The following GRID1 variants were observed in gnomAD, a reference collection of about 807,000 sequenced individuals.
The protein encoded by GRID1 is glutamate ionotropic receptor delta type subunit 1.
A neutral mutation model predicts 98.0 loss-of-function variants in GRID1; 28 were observed. That is an observed-to-expected ratio of 0.29 (90% CI 0.21 to 0.39). GRID1 has a LOEUF of 0.39. GRID1 is among the 10% of genes least tolerant of loss of function. GRID1 has a pLI of 1.00. For synonymous variants in GRID1, 553 were observed against 538.5 expected (o/e 1.03, Z -0.37); for missense variants, 1,111 against 1,340.5 (o/e 0.83, Z 2.67).
chr10:85,913,662 G>A lies in GRID1; in HGVS notation c.780+2524C>T, dbSNP rs1414089719. ...AGATTAGCTGGGTGAGCTGGCACACGCCTGTAGTCCCAGCTACTCAGGAGG... is the reference window on the plus strand; with the variant it reads ...AGATTAGCTGGGTGAGCTGGCACACACCTGTAGTCCCAGCTACTCAGGAGG... On this transcript the variant is annotated intron_variant, in intron 5 of 15. Transcript: ENST00000327946. 2.7e-5 allele frequency among the ~76,000 whole-genome samples: 4 copies of A among 150,482 alleles called. 1 individual carries two copies. Among genetic ancestry groups the A allele is most frequent in the East Asian group, 2.0e-4 (1 of 4,974 alleles).
chr10:85,847,345 C>G (rs1843016084), intron 8 of GRID1, among the ~76,000 whole-genome samples: 2 of 152,182 alleles, frequency 1.3e-5, no homozygotes, highest in Non-Finnish European at 2.9e-5. Flanking sequence ...GCAGGAGTGT[C>G]TGAATTGGCC....
At chr10:85,978,341 G>A (rs547778045) in intron 4 of GRID1, among the ~76,000 whole-genome samples, 1 of 152,284 alleles carries the variant, frequency 6.6e-6, no homozygotes, top group East Asian at 1.9e-4. Context: ...CATTTACTTA[G>A]AAGCATTTTC....
chr10:86,210,440 A>T (rs1846092084), intron 2 of GRID1, among the ~76,000 whole-genome samples: 1 of 152,220 alleles, frequency 6.6e-6, no homozygotes, highest in Non-Finnish European at 1.5e-5. Context: ...CTACGAGAGC[A>T]CTGACTTAGG....
intron 4 of GRID1, among the ~76,000 whole-genome samples, chr10:85,993,816 T>C (rs868664952): frequency 3.3e-5 from 5 of 152,170 alleles, no homozygotes; most frequent in African/African-American, 9.7e-5. Context: ...GACAGGAGAA[T>C]TGTGCCTAGG....
At chr10:85,910,153 C>T (rs139568644) in intron 5 of GRID1, among the ~76,000 whole-genome samples, 8 of 152,174 alleles carry the variant, frequency 5.3e-5, no homozygotes, top group South Asian at 2.1e-4. Flanking sequence ...TAATTGTTTT[C>T]GAGTGTTACT....
chr10:85,652,122 C>A (rs560213641), intron 12 of GRID1, among the ~76,000 whole-genome samples: 3 of 152,260 alleles, frequency 2.0e-5, no homozygotes, highest in South Asian at 4.1e-4. Context: ...ATTAAACATG[C>A]ACCTCTAGGG....
intron 12 of GRID1, among the ~76,000 whole-genome samples, chr10:85,660,784 GC>G (rs1476901005): frequency 1.3e-5 from 2 of 152,058 alleles, no homozygotes; most frequent in Non-Finnish European, 2.9e-5. Flanking sequence ...GCACTTCCTT[GC>G]TTTTAGGAGA....
At chr10:85,989,310 C>G (rs1474613852) in intron 4 of GRID1, among the ~76,000 whole-genome samples, 1 of 152,158 alleles carries the variant, frequency 6.6e-6, no homozygotes, top group East Asian at 1.9e-4. Flanking sequence ...CAGTAAAGCT[C>G]CAAAATGTCA....
intron 8 of GRID1, among the ~76,000 whole-genome samples, chr10:85,791,336 G>A (rs1372546619): frequency 1.3e-5 from 2 of 152,234 alleles, no homozygotes; most frequent in African/African-American, 2.4e-5. Context: ...CCTGACTGGC[G>A]CAATGCAGAT....
intron 5 of GRID1, among the ~76,000 whole-genome samples, chr10:85,882,519 A>C (rs1841047392): frequency 6.6e-6 from 1 of 152,150 alleles, no homozygotes; most frequent in Non-Finnish European, 1.5e-5. Context: ...AACTATCGCA[A>C]GGACAAAAAA....
At chr10:85,828,629 A>G (rs759447867) in intron 8 of GRID1, among the ~76,000 whole-genome samples, 2 of 152,016 alleles carry the variant, frequency 1.3e-5, no homozygotes, top group Non-Finnish European at 2.9e-5. Context: ...CTGAACTGAA[A>G]TGCAAAAAAA....
intron 8 of GRID1, among the ~76,000 whole-genome samples, chr10:85,826,131 A>G (rs1014221300): frequency 6.6e-6 from 1 of 152,066 alleles, no homozygotes; most frequent in African/African-American, 2.4e-5. Flanking sequence ...GTTCCAGACC[A>G]GCCTGACCAA....
intron 4 of GRID1, among the ~76,000 whole-genome samples, chr10:86,021,942 G>A (rs1157678971): frequency 3.3e-5 from 5 of 152,112 alleles, no homozygotes; most frequent in South Asian, 2.1e-4. Context: ...TAGAGCAGCC[G>A]CATCTAAAAG....
At chr10:86,250,099 G>A (rs1589426230) in intron 2 of GRID1, among the ~76,000 whole-genome samples, 1 of 152,140 alleles carries the variant, frequency 6.6e-6, no homozygotes, top group Non-Finnish European at 1.5e-5. Flanking sequence ...GTGAGTAGGT[G>A]GATGGATGCA....
intron 4 of GRID1, among the ~76,000 whole-genome samples, chr10:86,052,992 C>T (rs919084910): frequency 1.3e-5 from 2 of 152,144 alleles, no homozygotes; most frequent in Non-Finnish European, 2.9e-5. Context: ...GTACCTCACA[C>T]ACAAATGCTC....
At chr10:86,272,886 TTTTGTTTG>T (rs532637209) in intron 2 of GRID1, among the ~76,000 whole-genome samples, 19 of 152,072 alleles carry the variant, frequency 1.2e-4, no homozygotes, top group Admixed American at 3.9e-4. Flanking sequence ...ACTAATCTCT[TTTTGTTTG>T]TTTGTTTGTT....
rs145157204 is a variant in GRID1 at position 85,769,508 on chromosome 10, G to A, written c.1234-39894C>T. Among the ~76,000 whole-genome samples, 748 of 152,322 alleles carry A rather than the reference G, an allele frequency of 4.9e-3. 9 individuals carry two copies. The South Asian group carries it at 0.056, about 11-fold the overall frequency. Reference sequence around the variant, plus strand: ...GGGTGCAGCACACCATGTGCGAGCCGAAGCAGGGCGAGGCATTGCCTCACT... The same window carrying A: ...GGGTGCAGCACACCATGTGCGAGCCAAAGCAGGGCGAGGCATTGCCTCACT... On this transcript the variant is annotated intron_variant, in intron 8 of 15. Coordinates refer to ENST00000327946, the MANE Select transcript of GRID1 (RefSeq NM_017551.3).
chr10:85,822,444 T>C (rs1367538676), intron 8 of GRID1, among the ~76,000 whole-genome samples: 4 of 152,178 alleles, frequency 2.6e-5, no homozygotes, highest in South Asian at 4.1e-4. Flanking sequence ...AAAATGCTCA[T>C]CATCACTGGC....
chr10:85,888,735 C>T (rs1841152879), intron 5 of GRID1, among the ~76,000 whole-genome samples: 2 of 152,106 alleles, frequency 1.3e-5, no homozygotes, highest in African/African-American at 2.4e-5. Flanking sequence ...CTTTTACTTT[C>T]TGCTTTCCTT....
Sources: allele counts gnomAD v4.1 joint callset (sites outside exome capture counted in the v4.1 genomes callset), GRCh38; gene constraint gnomAD v4.1.1; transcripts MANE v1.5; gene names NCBI Gene and HGNC (gene_info 2026-07-23, HGNC 2026-07-21).